The following BTBD16 variants were observed in gnomAD, a reference collection of about 807,000 sequenced individuals.
BTBD16 encodes BTB domain containing 16, also known as BTB/POZ domain-containing protein 16.
In BTBD16, 66 loss-of-function variants were observed where a neutral mutation model predicts 67.4. That is an observed-to-expected ratio of 0.98 (90% CI 0.80 to 1.20). The LOEUF (loss-of-function observed/expected upper bound fraction) is 1.20, where lower values mean the gene tolerates loss of function less well. Ranked by LOEUF, BTBD16 falls within the 50% of genes most tolerant of loss-of-function variation. The probability of loss-of-function intolerance (pLI) is 0.00; values close to 1 mark genes in which losing one functional copy is unlikely to be tolerated. For missense variants in BTBD16, 634 were observed against 616.0 expected (o/e 1.03, Z -0.31); for synonymous variants, 242 against 236.4 (o/e 1.02, Z -0.22).
chr10:122,275,140 A>C (rs1403318275), intron 2 of BTBD16, 41 bp downstream of exon 2: 2 of 1,593,744 alleles, frequency 1.3e-6, no homozygotes, highest in Non-Finnish European at 1.7e-6. Flanking sequence ...TGATGAGAAG[A>C]AGCATTTGCT....
At chr10:122,331,928 C>G (rs547040541) in intron 12 of BTBD16, 228 of 158,634 alleles carry the variant, frequency 1.4e-3, no homozygotes, top group Middle Eastern at 0.014. Context: ...TAACTCAGGA[C>G]CATGCTCTAA....
intron 10 of BTBD16, 123 bp from the exon 11 acceptor site, chr10:122,329,357 A>G (rs1267370688): frequency 9.7e-6 from 8 of 827,296 alleles, no homozygotes; most frequent in Admixed American, 2.1e-5. Context: ...AGAGGGACCG[A>G]GGCCCCATCT....
At chr10:122,294,067 G>A (rs970672002) in intron 7 of BTBD16, 1 of 937,964 alleles carries the variant, frequency 1.1e-6, no homozygotes, top group Non-Finnish European at 1.3e-6. Context: ...ACATAGGCTT[G>A]CCTGAAGCTG....
chr10:122,337,826 G>A (rs1201554455), intron 15 of BTBD16, among the ~76,000 whole-genome samples, 191 bp from the exon 16 acceptor site: 1 of 152,182 alleles, frequency 6.6e-6, no homozygotes. Flanking sequence ...ATTTGTGCAC[G>A]TTATTGTGTT....
chr10:122,321,388 G>A (rs2096435152), intron 10 of BTBD16, among the ~76,000 whole-genome samples: 1 of 152,164 alleles, frequency 6.6e-6, no homozygotes, highest in South Asian at 2.1e-4. Context: ...GGCTTGTTGG[G>A]TCAAATGGTA....
chr10:122,313,867 T>C (rs956023001), intron 10 of BTBD16, among the ~76,000 whole-genome samples: 41 of 152,222 alleles, frequency 2.7e-4, no homozygotes, highest in Admixed American at 5.9e-4. Flanking sequence ...TACGACTATA[T>C]GTATGACATA....
At chr10:122,310,741 C>A (rs2096412350) in intron 10 of BTBD16, among the ~76,000 whole-genome samples, 1 of 152,200 alleles carries the variant, frequency 6.6e-6, no homozygotes, top group African/African-American at 2.4e-5. Flanking sequence ...ACAGAGCAAT[C>A]TACTTCCCGG....
chr10:122,304,055 G>A (rs559930297), intron 9 of BTBD16, among the ~76,000 whole-genome samples: 2 of 152,080 alleles, frequency 1.3e-5, no homozygotes, highest in African/African-American at 2.4e-5. Context: ...AGGACCTCAG[G>A]TGTGGAGTCT....
intron 9 of BTBD16, 38 bp downstream of exon 9, chr10:122,299,172 G>C: frequency 1.2e-6 from 2 of 1,607,652 alleles, no homozygotes; most frequent in Admixed American, 1.7e-5. Flanking sequence ...CCTGAGAGGG[G>C]GATGGGAGAA....
At chr10:122,295,314 AAG>A (rs2142073360) in intron 7 of BTBD16, 2 of 985,400 alleles carry the variant, frequency 2.0e-6, no homozygotes, top group African/African-American at 3.5e-5. Flanking sequence ...AAGGGGGAGA[AAG>A]AGGGGACAGG....
intron 5 of BTBD16, 189 bp downstream of exon 5, chr10:122,286,437 G>C: frequency 1.9e-6 from 1 of 514,056 alleles, no homozygotes; most frequent in Non-Finnish European, 2.5e-6. Context: ...TAGTTCTTAG[G>C]ATGCGGCTTT....
chr10:122,295,276 C>T lies in BTBD16; in HGVS notation c.591-2492C>T. 4.1e-6 allele frequency: 4 copies of T among 983,528 alleles called. No homozygotes were observed. In the South Asian group the frequency reaches 1.4e-4, roughly 35 times the overall value. The allele number at this position is 983,528 out of a possible 1,614,324, so 60.9% of individuals were successfully genotyped here. A position where few individuals can be genotyped will look rare whatever the true frequency, so the allele number is the denominator to read the frequency against. The stretch of plus-strand genomic sequence containing the variant: ...ACTTCCAAGAGGAGGTGGTGCTGGA[C>T]CTGAGCCTGGAAGAATTACAGCAGT... On this transcript the variant is annotated intron_variant, in intron 7 of 15. Transcript: ENST00000260723.
chr10:122,300,521 C>G (rs11591880), intron 9 of BTBD16, among the ~76,000 whole-genome samples: 45,196 of 151,852 alleles, frequency 0.3, 6,955 homozygotes, highest in East Asian at 0.43. Context: ...GAGTAATTTG[C>G]GTTTATTAAG....
chr10:122,316,565 C>T (rs991386954), intron 10 of BTBD16, among the ~76,000 whole-genome samples: 1 of 152,126 alleles, frequency 6.6e-6, no homozygotes, highest in Non-Finnish European at 1.5e-5. Context: ...GGACTACAAA[C>T]CTGTACAGCA....
chr10:122,277,634 G>A (rs546660224), intron 3 of BTBD16, among the ~76,000 whole-genome samples: 16 of 152,206 alleles, frequency 1.1e-4, no homozygotes, highest in African/African-American at 3.6e-4. Context: ...CATGGCAAGC[G>A]AGGAAGCAAG....
chr10:122,299,032 G>T lies in BTBD16; in HGVS notation c.689G>T (p.Cys230Phe). Residue 230 changes from cysteine to phenylalanine, a missense_variant, in exon 9 of 16, where the codon TGC becomes TTC. Cys to Phe is a radical substitution (Grantham distance 205). Coordinates refer to ENST00000260723, the MANE Select transcript of BTBD16 (RefSeq NM_144587.5). ...KYKEEQLTTGCEKWLEMNLVP... is the reference protein window; with the variant it reads ...KYKEEQLTTGFEKWLEMNLVP... ...AAGGAAGAGCAGCTCACCACCGGCT[G>T]CGAGAAGTGGCTGGAAATGAACTTG... 1.2e-6 allele frequency: 2 copies of T among 1,614,050 alleles called. No homozygotes were observed. Among genetic ancestry groups the T allele is most frequent in the South Asian group, 2.2e-5 (2 of 91,072 alleles).
chr10:122,334,306 T>C (rs11200556), intron 13 of BTBD16, among the ~76,000 whole-genome samples: 21,605 of 149,312 alleles, frequency 0.14, 1,917 homozygotes, highest in East Asian at 0.27. Flanking sequence ...TGCTATTCTC[T>C]TGCCTCAGCC....
chr10:122,308,265 C>T (rs1341180573), intron 10 of BTBD16, among the ~76,000 whole-genome samples: 1 of 152,142 alleles, frequency 6.6e-6, no homozygotes, highest in Non-Finnish European at 1.5e-5. Context: ...GGGCCCCCTG[C>T]CAAAGTTGCT....
intron 10 of BTBD16, among the ~76,000 whole-genome samples, chr10:122,318,444 T>C (rs2096430012): frequency 6.6e-6 from 1 of 152,238 alleles, no homozygotes; most frequent in Non-Finnish European, 1.5e-5. Context: ...TAAATATTCC[T>C]GTACAAGTCT....
Sources: allele counts gnomAD v4.1 joint callset (sites outside exome capture counted in the v4.1 genomes callset), GRCh38; gene constraint gnomAD v4.1.1; transcripts MANE v1.5; gene names NCBI Gene and HGNC (gene_info 2026-07-23, HGNC 2026-07-21).